The following AGAP1 variants were observed in gnomAD, a reference collection of about 807,000 sequenced individuals.
AGAP1 encodes ArfGAP with GTPase domain, ankyrin repeat and PH domain 1, also known as arf-GAP with GTPase, ANK repeat and PH domain-containing protein 1.
In AGAP1, 29 loss-of-function variants were observed where a neutral mutation model predicts 105.3. That is an observed-to-expected ratio of 0.28 (90% CI 0.21 to 0.38). The LOEUF is 0.38. Among genes scored for constraint, AGAP1 ranks in the 10% least tolerant of loss-of-function variants. The pLI is 1.00. For synonymous variants in AGAP1, 509 were observed against 485.9 expected, an observed-to-expected ratio of 1.05 and a Z score of -0.63; for missense variants, 998 against 1,165.1, an observed-to-expected ratio of 0.86 and a Z score of 2.09.
At position 235,747,686 on chromosome 2, in the gene AGAP1, G is replaced by A. The variant is rs548630681; in HGVS notation, c.539-2668G>A. On this transcript the variant is annotated intron_variant, in intron 5 of 17. Transcript: ENST00000304032. This position sits in a 1 kb window ranked among gnomAD's most constrained non-coding sequence, Gnocchi z 5.0. ...CACGTGGGCTCTGAGGGTCCCTGCC[G>A]CGACGCTTGCTTCCTGCGTGCAGAC... Among the ~76,000 whole-genome samples, 131 of 152,334 alleles carry A rather than the reference G, an allele frequency of 8.6e-4. No homozygotes were observed. In the South Asian group the frequency reaches 0.022, roughly 25 times the overall value.
chr2:235,607,738 C>T (rs1377778524), intron 1 of AGAP1, among the ~76,000 whole-genome samples: 1 of 152,154 alleles, frequency 6.6e-6, no homozygotes, highest in African/African-American at 2.4e-5. Flanking sequence ...AGGCCAGCCT[C>T]GAGGGCAGCC....
chr2:235,611,579 G>T lies in AGAP1; in HGVS notation c.164-97600G>T, dbSNP rs1946126125. Among the ~76,000 whole-genome samples, 1 of 152,244 alleles carries T rather than the reference G, an allele frequency of 6.6e-6. No individual in the cohort carries two copies. The highest frequency in any genetic ancestry group is 1.5e-5 in the Non-Finnish European group (1 of 68,016). Reference sequence around the variant, plus strand: ...CCCAGGCCTGCAGATTACAGACGCTGTGTAATTAGAGAATCCCTCTCCACA... The same window carrying T: ...CCCAGGCCTGCAGATTACAGACGCTTTGTAATTAGAGAATCCCTCTCCACA... On this transcript the variant is annotated intron_variant, in intron 1 of 17. Transcript: ENST00000304032. The surrounding 1 kb of genome is among the most constrained non-coding windows in gnomAD (Gnocchi z 5.0).
chr2:235,804,305 A>G (rs1450818977), intron 8 of AGAP1, among the ~76,000 whole-genome samples: 1 of 152,192 alleles, frequency 6.6e-6, no homozygotes, highest in Admixed American at 6.5e-5. Flanking sequence ...GATATTTTTA[A>G]AAAGCTTACC....
At chr2:236,099,328 G>T (rs1177432223) in intron 16 of AGAP1, among the ~76,000 whole-genome samples, 1 of 151,762 alleles carries the variant, frequency 6.6e-6, no homozygotes, top group South Asian at 2.1e-4. Flanking sequence ...GGTGGCGAGC[G>T]CCTGTAGTCC....
chr2:235,786,278 G>T (rs1956628723), intron 6 of AGAP1, among the ~76,000 whole-genome samples: 1 of 152,176 alleles, frequency 6.6e-6, no homozygotes. Flanking sequence ...GAACAGATTT[G>T]TACTGTGTTT....
chr2:235,496,784 C>A (rs1941338015), intron 1 of AGAP1, among the ~76,000 whole-genome samples: 1 of 151,922 alleles, frequency 6.6e-6, no homozygotes, highest in African/African-American at 2.4e-5. Context: ...TGCGTCGTTC[C>A]TAGATGATGG....
At position 235,610,844 on chromosome 2, in the gene AGAP1, A is replaced by G. The variant is rs1390697640; in HGVS notation, c.164-98335A>G. ...TGCAGGTCCTACTTCCTGCCTTGAC[A>G]CCACCCCCTGCCCACAGCCTTCTCA... On this transcript the variant is annotated intron_variant, in intron 1 of 17. Transcript: ENST00000304032. The surrounding 1 kb of genome is among the most constrained non-coding windows in gnomAD (Gnocchi z 4.9). 6.6e-6 allele frequency among the ~76,000 whole-genome samples: 1 copy of G among 151,836 alleles called. No individual in the cohort carries two copies. The highest frequency in any genetic ancestry group is 1.9e-4 in the East Asian group (1 of 5,162).
At chr2:235,572,309 C>T (rs1944555092) in intron 1 of AGAP1, among the ~76,000 whole-genome samples, 1 of 151,984 alleles carries the variant, frequency 6.6e-6, no homozygotes, top group African/African-American at 2.4e-5. Context: ...CACATAATTT[C>T]AGGAGTGGTA....
intron 1 of AGAP1, among the ~76,000 whole-genome samples, chr2:235,542,225 G>T (rs1459090284): frequency 2.0e-5 from 3 of 152,118 alleles, no homozygotes. Context: ...CCCGGGGGGG[G>T]GCCAGTTGTC....
chr2:235,717,304 A>G (rs1951165866), intron 2 of AGAP1, among the ~76,000 whole-genome samples: 1 of 152,194 alleles, frequency 6.6e-6, no homozygotes, highest in Admixed American at 6.5e-5. Context: ...GAAGAATGCC[A>G]AACCAGTGTT....
In AGAP1 at chr2:235,704,962, C is replaced by CTTTTTTTTTT. The variant is rs796721149; in HGVS notation, c.164-4211_164-4210insTTTTTTTTTT. ...AACGTCGATTGTAAAATACAAGATGCTTTTTTCTTTTTTTTTTTTTTTTTT... is the reference window on the plus strand; with the variant it reads ...AACGTCGATTGTAAAATACAAGATGCTTTTTTTTTTTTTTTTCTTTTTTTTTTTTTTTTTT... On this transcript the variant is annotated intron_variant, in intron 1 of 17. Transcript: ENST00000304032. Among the ~76,000 whole-genome samples the CTTTTTTTTTT allele has an allele frequency of 9.3e-5, 8 of 86,010 alleles. 3 individuals are homozygous for CTTTTTTTTTT. The highest frequency in any genetic ancestry group is 1.3e-4 in the African/African-American group (3 of 23,758). The allele number at this position is 86,010 out of a possible 152,430, so 56.4% of individuals were successfully genotyped here. A position where few individuals can be genotyped will look rare whatever the true frequency, so the allele number is the denominator to read the frequency against.
At chr2:235,817,850 CACTG>C (rs1958546972) in intron 9 of AGAP1, among the ~76,000 whole-genome samples, 2 of 152,160 alleles carry the variant, frequency 1.3e-5, no homozygotes, top group Non-Finnish European at 2.9e-5. Context: ...GCGATCGCAC[CACTG>C]CACTCCAGCC....
intron 1 of AGAP1, chr2:235,507,034 T>C (rs1488095126): frequency 1.3e-5 from 2 of 153,254 alleles, no homozygotes; most frequent in Non-Finnish European, 2.9e-5. Context: ...TACCTCGCGC[T>C]GGGGCGACCC....
At chr2:235,670,759 C>A (rs765958035) in intron 1 of AGAP1, 7 of 1,077,286 alleles carry the variant, frequency 6.5e-6, no homozygotes, top group Non-Finnish European at 9.4e-6. Flanking sequence ...TCAGCAAGAA[C>A]GACGCGCTCT....
At position 235,517,958 on chromosome 2, in the gene AGAP1, A is replaced by AAAC. The variant is rs1372791711; in HGVS notation, c.163+23109_163+23110insAAC. The stretch of plus-strand genomic sequence containing the variant: ...AAAAAAAAAAAAAAAGAAAAAAAAA[A>AAAC]GGTAGAACTCATAGTTGCCATTGAG... On this transcript the variant is annotated intron_variant, in intron 1 of 17. Transcript: ENST00000304032. The surrounding 1 kb of genome is among the most constrained non-coding windows in gnomAD (Gnocchi z 4.1). Among the ~76,000 whole-genome samples the AAAC allele has an allele frequency of 6.6e-6, 1 of 151,820 alleles. No homozygotes were observed.
chr2:235,871,195 G>C (rs945006396), intron 9 of AGAP1, among the ~76,000 whole-genome samples: 3 of 152,210 alleles, frequency 2.0e-5, no homozygotes, highest in Non-Finnish European at 2.9e-5. Flanking sequence ...AGGGTTTTCT[G>C]CTGTCAGGAG....
intron 9 of AGAP1, among the ~76,000 whole-genome samples, chr2:235,816,307 G>A (rs1297468441): frequency 1.3e-5 from 2 of 151,850 alleles, no homozygotes; most frequent in African/African-American, 4.8e-5. Flanking sequence ...GCGTGGTGGC[G>A]GGTGCCTGTA....
intron 1 of AGAP1, among the ~76,000 whole-genome samples, chr2:235,561,346 AG>A (rs1421089509): frequency 6.6e-6 from 1 of 152,214 alleles, no homozygotes; most frequent in East Asian, 1.9e-4. Flanking sequence ...GGGTAAGAAC[AG>A]GAGGGCTTCC....
chr2:235,650,590 G>A (rs936457225), intron 1 of AGAP1, among the ~76,000 whole-genome samples: 1 of 152,200 alleles, frequency 6.6e-6, no homozygotes, highest in Non-Finnish European at 1.5e-5. Context: ...GCTGTGGCAA[G>A]TGGTGCCTTC....
Sources: allele counts gnomAD v4.1 joint callset (sites outside exome capture counted in the v4.1 genomes callset), GRCh38; gene constraint gnomAD v4.1.1; non-coding constraint Gnocchi (gnomAD v3.1); transcripts MANE v1.5; gene names NCBI Gene and HGNC (gene_info 2026-07-23, HGNC 2026-07-21).